The following DLX1 variants were observed in gnomAD, a reference collection of about 807,000 sequenced individuals.
The protein encoded by DLX1 is distal-less homeobox 1.
Under a neutral mutation model 25.0 loss-of-function variants are expected in DLX1, and 7 were observed. The observed-to-expected ratio is 0.28, with a 90% CI of 0.16 to 0.52. The LOEUF (loss-of-function observed/expected upper bound fraction) is 0.52. Ranked by LOEUF, DLX1 falls within the 20% of genes least tolerant of loss-of-function variation. The probability of loss-of-function intolerance (pLI) is 0.96; values close to 1 mark genes in which losing one functional copy is unlikely to be tolerated. For missense variants in DLX1, 233 were observed against 334.4 expected (o/e 0.70, Z 2.37); for synonymous variants, 155 against 140.3 (o/e 1.10, Z -0.74).
chr2:172,087,519 C>G (rs1403464905), intron 2 of DLX1: 1 of 459,432 alleles, frequency 2.2e-6, no homozygotes, highest in East Asian at 6.9e-5. Context: ...AACCTTGAGG[C>G]CTCCTTAGTC....
At position 172,085,860 on chromosome 2, in the gene DLX1, G is replaced by A. The variant is rs767686700; in HGVS notation, c.183G>A (p.Ser61=). ...CCGACGGCGCCTACAGCTCAGCCTC[G>A]TCCTTCTCCCGACCGCTGGGCTACC... The part of the protein sequence containing the change: ...SQPDGAYSSA[S]SFSRPLGYPY... Residue 61 remains serine (S), a synonymous_variant, in exon 1 of 3, where the codon TCG becomes TCA. Coordinates refer to ENST00000361725, the MANE Select transcript of DLX1 (RefSeq NM_178120.5). This position sits in a 1 kb window ranked among gnomAD's most constrained non-coding sequence, Gnocchi z 4.3. 1.2e-6 allele frequency: 2 copies of A among 1,614,158 alleles called. No individual in the cohort carries two copies. The highest frequency in any genetic ancestry group is 8.5e-7 in the Non-Finnish European group (1 of 1,180,044).
Position 172,086,680 on chromosome 2 carries a change from G to A in DLX1, c.340G>A (p.Val114Met). The change falls in exon 2 of 3, where the codon GTG (valine) becomes ATG (methionine). Residue 114 changes from valine (V) to methionine (M), a missense_variant. Val to Met is a conservative substitution (Grantham distance 21). This residue lies in a region of DLX1 where 126 missense variants were observed against 170.4 expected (regional missense o/e 0.74). Coordinates refer to ENST00000361725, the MANE Select transcript of DLX1 (RefSeq NM_178120.5). ...GGCGGACTCGGAGAAGAGCACGGTGGTGGAAGGCGGTGAAGTGCGCTTCAA... is the reference window on the plus strand; with the variant it reads ...GGCGGACTCGGAGAAGAGCACGGTGATGGAAGGCGGTGAAGTGCGCTTCAA... ...PGADSEKSTV[V>M]EGGEVRFNGK... 1 of 1,552,182 alleles carries A rather than the reference G, an allele frequency of 6.4e-7. No individual in the cohort carries two copies. Among genetic ancestry groups the A allele is most frequent in the Non-Finnish European group, 8.7e-7 (1 of 1,147,652 alleles).
chr2:172,087,080 C>T (rs1484457180), intron 2 of DLX1: 9 of 710,786 alleles, frequency 1.3e-5, no homozygotes, highest in African/African-American at 5.3e-5. Flanking sequence ...GCCCTCTGTC[C>T]CTGGACAATC....
chr2:172,086,817 G>C lies in DLX1; in HGVS notation c.477G>C (p.Ala159=). The change falls in exon 2 of 3, where the codon GCG becomes GCC. Residue 159 remains alanine, a synonymous_variant. Coordinates refer to ENST00000361725, the MANE Select transcript of DLX1 (RefSeq NM_178120.5). ...AGTACCTAGCTCTGCCGGAGAGGGC[G>C]GAGCTCGCGGCCTCTTTGGGACTCA... ...QTQYLALPER[A]ELAASLGLTQ... 2 of 1,614,252 alleles carry C rather than the reference G, an allele frequency of 1.2e-6. No individual in the cohort carries two copies. Among genetic ancestry groups the C allele is most frequent in the Non-Finnish European group, 8.5e-7 (1 of 1,180,042 alleles).
rs1476253854 is a variant in DLX1 at position 172,088,262 on chromosome 2, GC to G, written c.*8del. ...CAGCAACCCCAACTTATGTGAGGTT[GC>G]CCGCCCGTCTCCTTCTTGTCTCCCC... is the stretch of plus-strand genomic sequence containing the variant. On this transcript the variant is annotated 3_prime_UTR_variant, in exon 3 of 3. Coordinates refer to ENST00000361725, the MANE Select transcript of DLX1 (RefSeq NM_178120.5). The G allele has an allele frequency of 6.9e-7, 1 of 1,457,776 alleles. No homozygotes were observed. The highest frequency in any genetic ancestry group is 9.1e-7 in the Non-Finnish European group (1 of 1,096,218). The allele number at this position is 1,457,776 out of a possible 1,614,324, so 90.3% of individuals were successfully genotyped here.
chr2:172,086,569 C>G (rs1690842550), intron 1 of DLX1, 85 bp from the exon 2 acceptor site: 1 of 1,350,262 alleles, frequency 7.4e-7, no homozygotes, highest in Middle Eastern at 2.2e-4. Flanking sequence ...CTCCGCCACC[C>G]TTCGGTAGCC....
chr2:172,087,051 C>T (rs1318712411), intron 2 of DLX1, 198 bp downstream of exon 2: 3 of 727,058 alleles, frequency 4.1e-6, no homozygotes, highest in African/African-American at 3.5e-5. Context: ...TCTCGGTATC[C>T]CGAGCTGCCT....
At chr2:172,086,601 C>T in intron 1 of DLX1, 53 bp from the exon 2 acceptor site, 5 of 1,493,852 alleles carry the variant, frequency 3.3e-6, no homozygotes, top group Non-Finnish European at 4.5e-6. Flanking sequence ...GCTGTTCGCA[C>T]TAAAGGCGGC....
intron 1 of DLX1, 36 bp from the exon 2 acceptor site, chr2:172,086,618 T>C (rs1690843503): frequency 6.6e-7 from 1 of 1,509,508 alleles, no homozygotes. Context: ...CGGCCCCTCG[T>C]ATTAACAACG....
At position 172,085,670 on chromosome 2, in the gene DLX1, G is replaced by T; in HGVS notation, c.-8G>T. The T allele has an allele frequency of 1.9e-6, 3 of 1,610,506 alleles. No homozygotes were observed. Among genetic ancestry groups the T allele is most frequent in the Non-Finnish European group, 2.5e-6 (3 of 1,178,044 alleles). On this transcript the variant is annotated 5_prime_UTR_variant, in exon 1 of 3. Transcript: ENST00000361725. The surrounding 1 kb of genome is among the most constrained non-coding windows in gnomAD (Gnocchi z 4.3). ...AGAAAGTCCCACACCCAGACCCCGC[G>T]AGAAGAGATGACCATGACCACCATG...
At chr2:172,087,085 A>G (rs933267185) in intron 2 of DLX1, 9 of 708,964 alleles carry the variant, frequency 1.3e-5, no homozygotes, top group Admixed American at 1.0e-4. Context: ...CTGTCCCTGG[A>G]CAATCTGATT....
chr2:172,086,204 A>G, intron 1 of DLX1: 1 of 584,778 alleles, frequency 1.7e-6, no homozygotes, highest in South Asian at 2.4e-5. Context: ...AATTCCCTCA[A>G]TTTGCAACTA....
At position 172,085,869 on chromosome 2, in the gene DLX1, C is replaced by G; in HGVS notation, c.192C>G (p.Ser64=). The G allele has an allele frequency of 6.2e-7, 1 of 1,614,226 alleles. No homozygotes were observed. The highest frequency in any genetic ancestry group is 8.5e-7 in the Non-Finnish European group (1 of 1,180,042). The change falls in exon 1 of 3, where the codon TCC becomes TCG. Residue 64 remains serine, a synonymous_variant. Transcript: ENST00000361725. The surrounding 1 kb of genome is among the most constrained non-coding windows in gnomAD (Gnocchi z 4.3). ...DGAYSSASSF[S]RPLGYPYVNS... ...CCTACAGCTCAGCCTCGTCCTTCTC[C>G]CGACCGCTGGGCTACCCCTACGTCA...
chr2:172,086,344 A>T, intron 1 of DLX1: 1 of 472,196 alleles, frequency 2.1e-6, no homozygotes, highest in Non-Finnish European at 3.7e-6. Flanking sequence ...CTCGGTAATT[A>T]TTTATTGCGT....
Position 172,088,289 on chromosome 2 carries a change from G to C in DLX1, c.*32G>C, listed in dbSNP as rs760326361. ...CCGCCCGTCTCCTTCTTGTCTCCCCGGCCCAGGTCCCTCCCGCCTCCAGGT... is the reference window on the plus strand; with the variant it reads ...CCGCCCGTCTCCTTCTTGTCTCCCCCGCCCAGGTCCCTCCCGCCTCCAGGT... On this transcript the variant is annotated 3_prime_UTR_variant, in exon 3 of 3. Transcript: ENST00000361725. 7 of 1,417,956 alleles carry C rather than the reference G, an allele frequency of 4.9e-6. No individual in the cohort carries two copies. The highest frequency in any genetic ancestry group is 1.6e-5 in the South Asian group (1 of 61,070). 87.8% of individuals were successfully genotyped at this position (1,417,956 alleles called of 1,614,324 possible).
At chr2:172,086,390 A>G in intron 1 of DLX1, 1 of 484,688 alleles carries the variant, frequency 2.1e-6, no homozygotes, top group Non-Finnish European at 3.6e-6. Flanking sequence ...AAGGGTAATT[A>G]AACCTCAACT....
intron 2 of DLX1, 56 bp downstream of exon 2, chr2:172,086,909 G>A: frequency 1.9e-6 from 3 of 1,580,100 alleles, no homozygotes; most frequent in Non-Finnish European, 2.6e-6. Flanking sequence ...GCCGGCCTGC[G>A]CCCGGGTCTT....
rs1291543662 is a variant in DLX1, at chr2:172,087,122, G to T, written c.513+269G>T. On this transcript the variant is annotated intron_variant, in intron 2 of 2. Coordinates refer to ENST00000361725, the MANE Select transcript of DLX1 (RefSeq NM_178120.5). ...GGGCGCAGGAAGGATTTCCCCAGAC[G>T]ATTTGTTTGGGAACTCAGAGGTCAC... 9 of 679,540 alleles carry T rather than the reference G, an allele frequency of 1.3e-5. No homozygotes were observed. The Admixed American group carries it at 1.6e-4, about 12-fold the overall frequency. The allele number at this position is 679,540 out of a possible 1,614,324, so 42.1% of individuals were successfully genotyped here. A position where few individuals can be genotyped will look rare whatever the true frequency, so the allele number is the denominator to read the frequency against.
In DLX1 at chr2:172,089,629, A is replaced by G. The variant is rs138473851; in HGVS notation, c.*1372A>G. On this transcript the variant is annotated 3_prime_UTR_variant, in exon 3 of 3. Transcript: ENST00000361725. ...ATCTTGGGAAAAAAACTTTGTAAATAAGTTATAAAGTTTCTTTGAGACAGT... is the reference window on the plus strand; with the variant it reads ...ATCTTGGGAAAAAAACTTTGTAAATGAGTTATAAAGTTTCTTTGAGACAGT... 21 of 152,764 alleles carry G rather than the reference A, an allele frequency of 1.4e-4. 1 individual carries two copies. The highest frequency in any genetic ancestry group is 5.1e-4 in the African/African-American group (21 of 41,582). 9.5% of individuals were successfully genotyped at this position (152,764 alleles called of 1,614,324 possible).
Sources: gnomAD v4.1 joint callset for allele counts on GRCh38, gnomAD v4.1.1 for gene constraint, gnomAD v4.1.1 regional missense constraint, Gnocchi (gnomAD v3.1) non-coding constraint, MANE v1.5 for transcripts, NCBI Gene and HGNC (gene_info 2026-07-23, HGNC 2026-07-21) for gene names.